Variants in TMEM232 observed in about 807,000 individuals in gnomAD.
The protein encoded by TMEM232 is transmembrane protein 232.
TMEM232 carries 80 observed loss-of-function variants against 78.8 expected under a neutral mutation model. The observed-to-expected ratio is 1.01, with a 90% confidence interval of 0.85 to 1.22. The LOEUF is 1.22. TMEM232 is among the 50% of genes most tolerant of loss of function. TMEM232 has a pLI of 0.00. For synonymous variants in TMEM232, 297 were observed against 254.3 expected, an observed-to-expected ratio of 1.17 and a Z score of -1.60; for missense variants, 881 against 742.2, an observed-to-expected ratio of 1.19 and a Z score of -2.17.
chr5:110,407,495 T>C (rs1270039055), intron 2 of TMEM232, among the ~76,000 whole-genome samples: 1 of 152,164 alleles, frequency 6.6e-6, no homozygotes, highest in East Asian at 1.9e-4. Context: ...TATAAATATT[T>C]ATGCACTCAA....
In TMEM232 at chr5:110,627,679, T is replaced by C. The variant is rs796337955; in HGVS notation, c.601+102A>G. 41 of 854,082 alleles carry C rather than the reference T, an allele frequency of 4.8e-5. No individual in the cohort carries two copies. The African/African-American group carries it at 7.2e-4, about 15-fold the overall frequency. The allele number at this position is 854,082 out of a possible 1,614,324, so 52.9% of individuals were successfully genotyped here. On this transcript the variant is annotated intron_variant, in intron 6 of 13. Transcript: ENST00000455884. ...CTTCAACACTGCACCTATTATCTTTTATGAAAAATAAAATGCAGCTTACGT... is the reference window on the plus strand; with the variant it reads ...CTTCAACACTGCACCTATTATCTTTCATGAAAAATAAAATGCAGCTTACGT...
Position 110,724,047 on chromosome 5 carries a change from A to G in TMEM232, c.-13+2580T>C, listed in dbSNP as rs1029838050. On this transcript the variant is annotated intron_variant, in intron 1 of 13. Coordinates refer to ENST00000455884, the MANE Select transcript of TMEM232 (RefSeq NM_001039763.4). Reference sequence around the variant, plus strand: ...AAGTTGTTGGAGACGAGTTTCTGTTATATTCCATCAAATACAATCCTAGGA... The same window carrying G: ...AAGTTGTTGGAGACGAGTTTCTGTTGTATTCCATCAAATACAATCCTAGGA... Among the ~76,000 whole-genome samples, 4 of 152,304 alleles carry G rather than the reference A, an allele frequency of 2.6e-5. No homozygotes were observed. The South Asian group carries it at 8.3e-4, about 32-fold the overall frequency.
chr5:110,420,974 A>G (rs866600545), intron 13 of TMEM232, among the ~76,000 whole-genome samples: 3 of 122,964 alleles, frequency 2.4e-5, no homozygotes, highest in Middle Eastern at 3.6e-3. Context: ...ATATATTTAA[A>G]GACAAAAAAA....
chr5:110,692,579 G>A (rs1482543638), intron 1 of TMEM232, among the ~76,000 whole-genome samples: 1 of 152,216 alleles, frequency 6.6e-6, no homozygotes, highest in African/African-American at 2.4e-5. Flanking sequence ...GATGGCACAT[G>A]GAATATCGGG....
upstream of TMEM232, among the ~76,000 whole-genome samples, chr5:110,729,626 G>A (rs1798485365): frequency 6.6e-6 from 1 of 152,172 alleles, no homozygotes; most frequent in Non-Finnish European, 1.5e-5. Context: ...TCTAGTTTAA[G>A]AATTTGAATT....
intron 12 of TMEM232, among the ~76,000 whole-genome samples, chr5:110,425,981 T>C (rs1393580384): frequency 1.3e-5 from 2 of 152,120 alleles, no homozygotes; most frequent in Admixed American, 6.6e-5. Flanking sequence ...GCCTGGTTTC[T>C]CCAGACTTCT....
Position 110,420,653 on chromosome 5 carries a change from A to C in TMEM232, c.1901T>G (p.Met634Arg). 6.6e-7 allele frequency: 1 copy of C among 1,526,348 alleles called. No individual in the cohort carries two copies. The highest frequency in any genetic ancestry group is 1.2e-5 in the South Asian group (1 of 81,810). The allele number at this position is 1,526,348 out of a possible 1,614,324, so 94.6% of individuals were successfully genotyped here. The part of the protein sequence containing the change: ...LAEKNHFQEV[M>R]KKREEKLHKQ... ...ATGTAGTTTCTCTTCTCTTTTCTTC[A>C]TAACTTCTTGAAAGTGATTTTTCTC... The change falls in exon 14 of 14, where the codon ATG (methionine) becomes AGG (arginine). Residue 634 changes from methionine to arginine, a missense_variant. Met to Arg is a moderately conservative substitution (Grantham distance 91). Coordinates refer to ENST00000455884, the MANE Select transcript of TMEM232 (RefSeq NM_001039763.4).
At chr5:110,553,110 C>T (rs940001665) in intron 11 of TMEM232, among the ~76,000 whole-genome samples, 1 of 152,086 alleles carries the variant, frequency 6.6e-6, no homozygotes, top group Non-Finnish European at 1.5e-5. Context: ...TGTTTTTGTA[C>T]CAGTACCATG....
At chr5:110,559,813 G>T (rs953247937) in intron 11 of TMEM232, among the ~76,000 whole-genome samples, 1 of 152,132 alleles carries the variant, frequency 6.6e-6, no homozygotes, top group Non-Finnish European at 1.5e-5. Context: ...AGTAAGGCTG[G>T]TTCTTTCAGA....
At chr5:110,575,698 G>A (rs965041110) in intron 10 of TMEM232, among the ~76,000 whole-genome samples, 1 of 151,946 alleles carries the variant, frequency 6.6e-6, no homozygotes, top group Non-Finnish European at 1.5e-5. Context: ...CAACCAGGGA[G>A]CAACATGGAG....
chr5:110,684,649 A>G (rs1034641491), intron 1 of TMEM232: 2 of 152,152 alleles, frequency 1.3e-5, no homozygotes, highest in Admixed American at 6.6e-5. Context: ...TGCAACAACA[A>G]ACAACAAAAA....
At position 110,627,879 on chromosome 5, in the gene TMEM232, A is replaced by G; in HGVS notation, c.503T>C (p.Ile168Thr). 1 of 1,517,038 alleles carries G rather than the reference A, an allele frequency of 6.6e-7. No homozygotes were observed. Among genetic ancestry groups the G allele is most frequent in the African/African-American group, 1.4e-5 (1 of 71,052 alleles). The allele number at this position is 1,517,038 out of a possible 1,614,324, so 94.0% of individuals were successfully genotyped here. The change falls in exon 6 of 14, where the codon ATT becomes ACT. Residue 168 changes from isoleucine to threonine, a missense_variant and splice_region_variant. Coordinates refer to ENST00000455884, the MANE Select transcript of TMEM232 (RefSeq NM_001039763.4). ...AAGTCGTAAGAAGACCAAATAGCCA[A>G]TCTGTCAAAAGAGAAAAGAAAAATA... ...LYSVEIKLAK[I>T]GYLVFLRLFI... is the part of the protein sequence containing the mutation.
At chr5:110,396,013 G>T (rs1755374052) in intron 3 of TMEM232, among the ~76,000 whole-genome samples, 1 of 152,104 alleles carries the variant, frequency 6.6e-6, no homozygotes, top group South Asian at 2.1e-4. Flanking sequence ...TTTTCATAGT[G>T]CTATAAAGAA....
At chr5:110,719,996 TG>T (rs933678027) in intron 1 of TMEM232, among the ~76,000 whole-genome samples, 1 of 152,172 alleles carries the variant, frequency 6.6e-6, no homozygotes, top group African/African-American at 2.4e-5. Flanking sequence ...TGGTTCTCGC[TG>T]GTGAACTAGA....
intron 2 of TMEM232, among the ~76,000 whole-genome samples, chr5:110,398,392 C>G (rs537196703): frequency 6.6e-6 from 1 of 152,046 alleles, no homozygotes; most frequent in African/African-American, 2.4e-5. Context: ...TCAAAGACTC[C>G]GTGAGGTCTA....
Position 110,618,415 on chromosome 5 carries a change from A to T in TMEM232, c.902+14T>A, listed in dbSNP as rs776127053. The T allele has an allele frequency of 2.6e-6, 4 of 1,547,750 alleles. No homozygotes were observed. Among genetic ancestry groups the T allele is most frequent in the Non-Finnish European group, 3.5e-6 (4 of 1,145,962 alleles). ...TCTCCATGAGTTACTTTGGATTTAT[A>T]GGATCACTCTTACCAGCATTTCTTT... On this transcript the variant is annotated intron_variant, in intron 8 of 13. Coordinates refer to ENST00000455884, the MANE Select transcript of TMEM232 (RefSeq NM_001039763.4).
intron 5 of TMEM232, among the ~76,000 whole-genome samples, chr5:110,634,382 A>G (rs1580442310): frequency 6.6e-6 from 1 of 152,210 alleles, no homozygotes; most frequent in South Asian, 2.1e-4. Context: ...TCCCAACACA[A>G]CAATAGGATG....
chr5:110,526,600 T>C (rs1561629476), intron 12 of TMEM232, among the ~76,000 whole-genome samples: 1 of 151,946 alleles, frequency 6.6e-6, no homozygotes, highest in Admixed American at 6.6e-5. Flanking sequence ...CATATATTAC[T>C]GGTGAGGATA....
intron 12 of TMEM232, among the ~76,000 whole-genome samples, chr5:110,474,980 T>C (rs1173562536): frequency 6.6e-6 from 1 of 151,956 alleles, no homozygotes; most frequent in Non-Finnish European, 1.5e-5. Context: ...CCCAAATTAG[T>C]TCCTAGATTC....
Sources: allele counts gnomAD v4.1 joint callset (sites outside exome capture counted in the v4.1 genomes callset), GRCh38; gene constraint gnomAD v4.1.1; transcripts MANE v1.5; gene names NCBI Gene and HGNC (gene_info 2026-07-23, HGNC 2026-07-21).